The following DLG2 variants were observed in gnomAD, a reference collection of about 807,000 sequenced individuals.
DLG2 encodes the protein discs large MAGUK scaffold protein 2, also known as disks large homolog 2.
A neutral mutation model predicts 132.5 loss-of-function variants in DLG2; 45 were observed. The observed-to-expected ratio is 0.34, with a 90% confidence interval of 0.27 to 0.44. DLG2 has a LOEUF of 0.44. Among genes scored for constraint, DLG2 ranks in the 20% least tolerant of loss-of-function variants. The pLI is 1.00. For synonymous variants in DLG2, 424 were observed against 419.6 expected, an observed-to-expected ratio of 1.01 and a Z score of -0.13; for missense variants, 1,045 against 1,196.9, an observed-to-expected ratio of 0.87 and a Z score of 1.87.
chr11:84,665,402 C>T (rs951093818), intron 6 of DLG2, among the ~76,000 whole-genome samples: 19 of 152,154 alleles, frequency 1.2e-4, no homozygotes, highest in African/African-American at 4.6e-4. Context: ...ACTCTGGCTT[C>T]AGAGGCTAAG....
intron 18 of DLG2, among the ~76,000 whole-genome samples, chr11:83,742,817 C>T (rs2092631072): frequency 6.6e-6 from 1 of 152,114 alleles, no homozygotes; most frequent in African/African-American, 2.4e-5. Flanking sequence ...TCCTCATTAT[C>T]TGGCCCTAAT....
At chr11:84,758,165 T>G (rs2067143355) in intron 6 of DLG2, among the ~76,000 whole-genome samples, 1 of 152,232 alleles carries the variant, frequency 6.6e-6, no homozygotes, top group African/African-American at 2.4e-5. Context: ...ATTGTTTCAG[T>G]TAAATTAATC....
intron 3 of DLG2, among the ~76,000 whole-genome samples, chr11:85,466,244 C>T (rs1384050267): frequency 6.6e-6 from 1 of 152,076 alleles, no homozygotes. Context: ...CAAAAATTTT[C>T]TCCCATTCTG....
intron 5 of DLG2, among the ~76,000 whole-genome samples, chr11:85,120,280 G>C (rs2074142788): frequency 6.6e-6 from 1 of 152,048 alleles, no homozygotes; most frequent in African/African-American, 2.4e-5. Context: ...CAAGTGCCAT[G>C]GCCAACATCA....
chr11:83,528,650 T>C (rs2095665215), intron 21 of DLG2, among the ~76,000 whole-genome samples: 1 of 152,164 alleles, frequency 6.6e-6, no homozygotes, highest in Non-Finnish European at 1.5e-5. Context: ...AAGGGCAGGC[T>C]TCTGTTGTCA....
At chr11:83,857,657 G>C (rs1284497224) in intron 16 of DLG2, among the ~76,000 whole-genome samples, 1 of 152,124 alleles carries the variant, frequency 6.6e-6, no homozygotes, top group Admixed American at 6.5e-5. Flanking sequence ...CACTAAAAGT[G>C]AACGCTAATG....
intron 6 of DLG2, among the ~76,000 whole-genome samples, chr11:85,084,321 G>A (rs1339522223): frequency 2.6e-5 from 4 of 152,140 alleles, no homozygotes; most frequent in African/African-American, 9.7e-5. Flanking sequence ...TAGAAGGAAA[G>A]TCAGAATATG....
At chr11:83,900,231 A>G (rs1375436800) in intron 15 of DLG2, among the ~76,000 whole-genome samples, 2 of 152,208 alleles carry the variant, frequency 1.3e-5, no homozygotes, top group African/African-American at 4.8e-5. Context: ...AGAGCATAAA[A>G]GTTTGGAAAA....
At chr11:83,688,708 T>C (rs2080287918) in intron 18 of DLG2, among the ~76,000 whole-genome samples, 1 of 152,136 alleles carries the variant, frequency 6.6e-6, no homozygotes, top group Non-Finnish European at 1.5e-5. Flanking sequence ...TAAATTTGAG[T>C]GGTATGATTG....
chr11:84,097,633 C>T (rs1268235598), intron 10 of DLG2, among the ~76,000 whole-genome samples: 1 of 152,134 alleles, frequency 6.6e-6, no homozygotes, highest in Non-Finnish European at 1.5e-5. Flanking sequence ...TTTCACATAT[C>T]CTTCCTATCT....
At chr11:83,532,678 AAC>A in intron 21 of DLG2, 28 bp downstream of exon 21, 1 of 1,598,936 alleles carries the variant, frequency 6.3e-7, no homozygotes, top group East Asian at 2.2e-5. Flanking sequence ...CAACTGAGAG[AAC>A]TTGATGTTTC....
At chr11:85,315,714 G>A (rs1015289116) in intron 3 of DLG2, among the ~76,000 whole-genome samples, 1 of 151,962 alleles carries the variant, frequency 6.6e-6, no homozygotes, top group East Asian at 1.9e-4. Flanking sequence ...TTCTCAAACT[G>A]CCTATTCTAT....
chr11:84,645,726 C>G (rs1028455276), intron 6 of DLG2, among the ~76,000 whole-genome samples: 3 of 152,194 alleles, frequency 2.0e-5, no homozygotes, highest in Non-Finnish European at 4.4e-5. Context: ...CTCAGCCTCT[C>G]AAAGTGCTGG....
At chr11:84,898,697 A>G (rs889461422) in intron 6 of DLG2, among the ~76,000 whole-genome samples, 12 of 151,862 alleles carry the variant, frequency 7.9e-5, no homozygotes, top group Non-Finnish European at 1.3e-4. Context: ...CCACTGTTCT[A>G]AACTACATGG....
intron 10 of DLG2, among the ~76,000 whole-genome samples, chr11:84,092,786 C>T (rs1198160483): frequency 2.0e-5 from 3 of 151,938 alleles, no homozygotes; most frequent in African/African-American, 4.8e-5. Flanking sequence ...ACCTGTAATC[C>T]CAGCACTTTG....
At chr11:85,135,922 TTAACCCA>T (rs2076111224) in intron 5 of DLG2, among the ~76,000 whole-genome samples, 1 of 152,136 alleles carries the variant, frequency 6.6e-6, no homozygotes, top group African/African-American at 2.4e-5. Flanking sequence ...ATAGAGGCAT[TTAACCCA>T]GAATGGAGCA....
chr11:84,600,236 C>T (rs11234094), intron 6 of DLG2, among the ~76,000 whole-genome samples: 1 of 132,062 alleles, frequency 7.6e-6, no homozygotes, highest in South Asian at 2.5e-4. Flanking sequence ...GAAAGAAAGA[C>T]AGAAAAGCAA....
chr11:84,988,834 G>A (rs962000708), intron 6 of DLG2, among the ~76,000 whole-genome samples: 5 of 152,134 alleles, frequency 3.3e-5, no homozygotes, highest in East Asian at 3.9e-4. Context: ...ACTTACTCAC[G>A]TAACCAGACA....
chr11:85,033,273 T>A (rs1417932418), intron 6 of DLG2, among the ~76,000 whole-genome samples: 1 of 151,884 alleles, frequency 6.6e-6, no homozygotes, highest in African/African-American at 2.4e-5. Context: ...ATTTGAAGAC[T>A]GTGCTCAAAC....
Sources: gnomAD v4.1 joint callset for allele counts (sites outside exome capture counted in the v4.1 genomes callset) on GRCh38, gnomAD v4.1.1 for gene constraint, MANE v1.5 for transcripts, NCBI Gene and HGNC (gene_info 2026-07-23, HGNC 2026-07-21) for gene names.